Variants in SLC24A2 observed in about 807,000 individuals in gnomAD.
SLC24A2 encodes sodium/potassium/calcium exchanger 2.
SLC24A2 carries 36 observed loss-of-function variants against 62.0 expected under a neutral mutation model. The observed-to-expected ratio is 0.58, with a 90% CI of 0.44 to 0.77. The LOEUF (loss-of-function observed/expected upper bound fraction) is 0.77, where lower values mean the gene tolerates loss of function less well. SLC24A2 is among the 30% of genes least tolerant of loss of function. The probability of loss-of-function intolerance (pLI) is 0.00; values close to 1 mark genes in which losing one functional copy is unlikely to be tolerated. For synonymous variants in SLC24A2, 358 were observed against 294.0 expected (o/e 1.22, Z -2.23); for missense variants, 846 against 817.9 (o/e 1.03, Z -0.42).
the SLC24A2 span, among the ~76,000 whole-genome samples, chr9:20,302,442 G>T: frequency 1.3e-5 from 2 of 152,022 alleles, no homozygotes; most frequent in South Asian, 4.1e-4. Context: ...GGTATGTAAT[G>T]GTATCTCATT....
At chr9:20,159,007 G>C in the SLC24A2 span, among the ~76,000 whole-genome samples, 2 of 151,612 alleles carry the variant, frequency 1.3e-5, no homozygotes, top group East Asian at 3.9e-4. Context: ...TTATCTGTGA[G>C]GGCAAAAATA....
At chr9:20,307,320 T>C in the SLC24A2 span, among the ~76,000 whole-genome samples, 1 of 152,238 alleles carries the variant, frequency 6.6e-6, no homozygotes, top group Non-Finnish European at 1.5e-5. Flanking sequence ...GAGACTTTCT[T>C]ATAAATTAAT....
At chr9:20,015,793 G>A in the SLC24A2 span, among the ~76,000 whole-genome samples, 1 of 152,198 alleles carries the variant, frequency 6.6e-6, no homozygotes, top group African/African-American at 2.4e-5. Context: ...CAGTTATTAA[G>A]GATCTTTTTT....
chr9:19,975,599 C>A, the SLC24A2 span, among the ~76,000 whole-genome samples: 2 of 152,164 alleles, frequency 1.3e-5, no homozygotes, highest in Non-Finnish European at 2.9e-5. Context: ...ATAGAAAGTG[C>A]CAGGCGTATA....
At chr9:19,864,711 A>T in the SLC24A2 span, among the ~76,000 whole-genome samples, 1 of 152,124 alleles carries the variant, frequency 6.6e-6, no homozygotes, top group African/African-American at 2.4e-5. Context: ...GCTACATATG[A>T]CAGATGAACA....
At chr9:19,935,252 G>C in the SLC24A2 span, among the ~76,000 whole-genome samples, 3 of 151,350 alleles carry the variant, frequency 2.0e-5, no homozygotes, top group East Asian at 5.8e-4. Context: ...TAAAGACAGG[G>C]GGGTTCTAGC....
chr9:19,557,269 T>G (rs1272538800), intron 7 of SLC24A2, among the ~76,000 whole-genome samples: 2 of 152,184 alleles, frequency 1.3e-5, no homozygotes, highest in Admixed American at 6.5e-5. Context: ...AAATAAAAGC[T>G]AGGTATAGCA....
the SLC24A2 span, among the ~76,000 whole-genome samples, chr9:20,303,926 G>C: frequency 2.0e-5 from 3 of 152,058 alleles, no homozygotes; most frequent in Admixed American, 1.3e-4. Flanking sequence ...GTTTGGATGG[G>C]GCAAGACTTG....
At chr9:20,111,848 AT>A in the SLC24A2 span, among the ~76,000 whole-genome samples, 1 of 152,116 alleles carries the variant, frequency 6.6e-6, no homozygotes, top group Non-Finnish European at 1.5e-5. Context: ...AACCAAAAAG[AT>A]TAAAAAAAAT....
At chr9:19,989,998 G>T in the SLC24A2 span, among the ~76,000 whole-genome samples, 2 of 152,156 alleles carry the variant, frequency 1.3e-5, no homozygotes, top group African/African-American at 4.8e-5. Context: ...GCTGGGAAAA[G>T]GCTGTGAAAT....
chr9:20,018,152 T>G, the SLC24A2 span, among the ~76,000 whole-genome samples: 1 of 152,140 alleles, frequency 6.6e-6, no homozygotes, highest in Non-Finnish European at 1.5e-5. Flanking sequence ...TTTCACCATG[T>G]TAGCCAGGAT....
intron 2 of SLC24A2, among the ~76,000 whole-genome samples, chr9:19,714,925 G>A (rs1033508976): frequency 9.9e-5 from 15 of 152,124 alleles, no homozygotes; most frequent in Non-Finnish European, 2.1e-4. Context: ...CAGGGGTGGG[G>A]TGGAGAGGAA....
chr9:19,625,396 A>G (rs998576257), intron 2 of SLC24A2, among the ~76,000 whole-genome samples: 1 of 152,180 alleles, frequency 6.6e-6, no homozygotes, highest in Admixed American at 6.5e-5. Context: ...ACACACAACT[A>G]TTCTTTGAGG....
chr9:20,082,764 T>A, the SLC24A2 span, among the ~76,000 whole-genome samples: 30 of 152,248 alleles, frequency 2.0e-4, no homozygotes, highest in Non-Finnish European at 3.5e-4. Flanking sequence ...TAGCTTGGAA[T>A]TGATTTCAAA....
chr9:19,639,888 G>A (rs778817683), intron 2 of SLC24A2, among the ~76,000 whole-genome samples: 1 of 152,158 alleles, frequency 6.6e-6, no homozygotes, highest in Non-Finnish European at 1.5e-5. Flanking sequence ...AAGACTAAGA[G>A]AAAGAAAACA....
chr9:20,164,072 G>A, the SLC24A2 span, among the ~76,000 whole-genome samples: 1 of 152,098 alleles, frequency 6.6e-6, no homozygotes, highest in Non-Finnish European at 1.5e-5. Context: ...ATAGGCATGG[G>A]CAAGGACTTC....
chr9:20,119,963 G>C, the SLC24A2 span, among the ~76,000 whole-genome samples: 1 of 152,114 alleles, frequency 6.6e-6, no homozygotes, highest in African/African-American at 2.4e-5. Context: ...TTAGAAGTGT[G>C]ACACAAGTCT....
chr9:19,793,793 G>A (rs1457744768), upstream of SLC24A2, among the ~76,000 whole-genome samples: 2 of 152,072 alleles, frequency 1.3e-5, no homozygotes, highest in Non-Finnish European at 2.9e-5. Flanking sequence ...CATTTTTCCT[G>A]TTGAGATTAT....
rs1056149401 is a variant in SLC24A2, at chr9:19,538,334, G to T, written c.1480-10196C>A. Among the ~76,000 whole-genome samples, 105 of 146,740 alleles carry T rather than the reference G, an allele frequency of 7.2e-4. 3 individuals carry two copies. The highest frequency in any genetic ancestry group is 2.7e-3 in the African/African-American group (103 of 37,882). The stretch of plus-strand genomic sequence containing the variant: ...TTGCCCATTCGGTATGATACTGGCT[G>T]TGGGTTTGTCATAGATAGCTCTTAT... On this transcript the variant is annotated intron_variant, in intron 8 of 10. Coordinates refer to ENST00000341998, the MANE Select transcript of SLC24A2 (RefSeq NM_020344.4).
Sources: gnomAD v4.1 joint callset for allele counts (sites outside exome capture counted in the v4.1 genomes callset) on GRCh38, gnomAD v4.1.1 for gene constraint, MANE v1.5 for transcripts, NCBI Gene and HGNC (gene_info 2026-07-23, HGNC 2026-07-21) for gene names.